The following TDRD1 variants were observed in gnomAD, a reference collection of about 807,000 sequenced individuals.
TDRD1 encodes the protein tudor domain containing 1.
TDRD1 carries 37 observed loss-of-function variants against 140.6 expected under a neutral mutation model. The observed-to-expected ratio is 0.26, with a 90% CI of 0.20 to 0.35. The LOEUF is 0.35. Among genes scored for constraint, TDRD1 ranks in the 10% least tolerant of loss-of-function variants. TDRD1 has a pLI of 1.00. For missense variants in TDRD1, 1,243 were observed against 1,393.0 expected, an observed-to-expected ratio of 0.89 and a Z score of 1.71; for synonymous variants, 506 against 475.7, an observed-to-expected ratio of 1.06 and a Z score of -0.83.
intron 12 of TDRD1, 33 bp from the exon 13 acceptor site, chr10:114,210,827 C>T (rs748877919): frequency 7.4e-6 from 12 of 1,611,822 alleles, no homozygotes; most frequent in East Asian, 2.2e-5. Context: ...TGTATAGATA[C>T]GTATTTCTTT....
chr10:114,203,872 C>T (rs2034927399), intron 8 of TDRD1, among the ~76,000 whole-genome samples: 1 of 152,168 alleles, frequency 6.6e-6, no homozygotes, highest in East Asian at 1.9e-4. Context: ...AATAGTTGTG[C>T]ATATTATTAA....
rs190509066 is a variant in TDRD1, at chr10:114,229,763, A to G, written c.3538+1638A>G. Among the ~76,000 whole-genome samples the G allele has an allele frequency of 4.4e-3, 667 of 151,160 alleles. 3 individuals carry two copies. The highest frequency in any genetic ancestry group is 8.5e-3 in the Admixed American group (129 of 15,200). ...AATTTCATAGATCAAGGAACATGCA[A>G]TGACATGGATTTCTGGAATTTAGTC... On this transcript the variant is annotated intron_variant, in intron 25 of 25. Coordinates refer to ENST00000251864, the Ensembl canonical transcript of TDRD1.
chr10:114,203,079 G>T, exon 7 of TDRD1: 2 of 1,611,516 alleles, frequency 1.2e-6, no homozygotes, highest in Non-Finnish European at 1.7e-6. Context: ...CAGAGTGACT[G>T]TCCACTTGGA....
intron 3 of TDRD1, among the ~76,000 whole-genome samples, chr10:114,192,955 A>G (rs978315279): frequency 1.3e-5 from 2 of 152,206 alleles, no homozygotes; most frequent in African/African-American, 4.8e-5. Flanking sequence ...TACAGTTTAG[A>G]ATAATCTCAT....
chr10:114,183,476 C>G (rs571192025), intron 1 of TDRD1, among the ~76,000 whole-genome samples: 35 of 152,034 alleles, frequency 2.3e-4, no homozygotes, highest in South Asian at 6.2e-4. Flanking sequence ...CCTCATCAAC[C>G]CACCTACCCC....
chr10:114,176,030 A>G (rs79557028), upstream of TDRD1, among the ~76,000 whole-genome samples: 676 of 152,286 alleles, frequency 4.4e-3, 5 homozygotes, highest in African/African-American at 0.015. The surrounding 1 kb of genome is among the most constrained non-coding windows in gnomAD (Gnocchi z 4.2). Flanking sequence ...GATGATCACC[A>G]TTTTGCAAAC....
At chr10:114,191,271 A>G (rs1246233473) in intron 3 of TDRD1, among the ~76,000 whole-genome samples, 1 of 152,196 alleles carries the variant, frequency 6.6e-6, no homozygotes, top group African/African-American at 2.4e-5. Context: ...CTATAGTACA[A>G]TATCACAACT....
intron 6 of TDRD1, 67 bp downstream of exon 6, chr10:114,202,365 A>G: frequency 1.8e-6 from 2 of 1,131,752 alleles, no homozygotes; most frequent in South Asian, 3.6e-5. Context: ...TAAGATAAAT[A>G]TTTTAGGCTT....
chr10:114,204,779 T>A, exon 10 of TDRD1: 1 of 1,604,832 alleles, frequency 6.2e-7, no homozygotes, highest in Non-Finnish European at 8.5e-7. Flanking sequence ...GAGCAGTGAT[T>A]GTATCAAAGC....
chr10:114,190,927 G>A, intron 2 of TDRD1, 34 bp from the exon 3 acceptor site: 1 of 1,598,620 alleles, frequency 6.3e-7, no homozygotes, highest in Non-Finnish European at 8.6e-7. Context: ...AGTATTATTT[G>A]GCTTTTATTT....
At chr10:114,225,992 A>T in intron 21 of TDRD1, 57 bp from the exon 22 acceptor site, 1 of 1,443,818 alleles carries the variant, frequency 6.9e-7, no homozygotes, top group Non-Finnish European at 9.7e-7. Flanking sequence ...TAGCCATCTT[A>T]AAGTAGGAGG....
intron 3 of TDRD1, among the ~76,000 whole-genome samples, chr10:114,195,702 A>AC (rs1261830775): frequency 6.6e-6 from 1 of 152,190 alleles, no homozygotes. Flanking sequence ...TTTCTTATAG[A>AC]CACCATATAT....
chr10:114,220,908 A>G (rs2036103198), intron 19 of TDRD1, 65 bp downstream of exon 19: 1 of 1,174,806 alleles, frequency 8.5e-7, no homozygotes, highest in South Asian at 1.5e-5. Flanking sequence ...ACTATGAAAA[A>G]TTTTCCATCA....
intron 11 of TDRD1, among the ~76,000 whole-genome samples, chr10:114,206,930 T>G (rs2035160244): frequency 6.7e-6 from 1 of 149,246 alleles, no homozygotes; most frequent in Non-Finnish European, 1.5e-5. Flanking sequence ...TAGGGCTTTT[T>G]AGCTCACATT....
intron 11 of TDRD1, among the ~76,000 whole-genome samples, chr10:114,207,368 G>A (rs1448925227): frequency 6.6e-6 from 1 of 152,016 alleles, no homozygotes; most frequent in Non-Finnish European, 1.5e-5. Flanking sequence ...TTCTTCCCAA[G>A]TATCCCTTGT....
rs149142353 is a variant in TDRD1, at chr10:114,203,234, G to A, written c.801+58G>A. On this transcript the variant is annotated intron_variant, in intron 7 of 25. Transcript: ENST00000251864. ...GATCCAGAGAACTGTATTTATTCTC[G>A]TTTCCTATTTTTGAGTTCATGCGGT... 2,298 of 1,511,088 alleles carry A rather than the reference G, an allele frequency of 1.5e-3. 18 individuals are homozygous for A. In the African/African-American group the frequency reaches 0.022, roughly 14 times the overall value. The allele number at this position is 1,511,088 out of a possible 1,614,324, so 93.6% of individuals were successfully genotyped here.
chr10:114,201,345 T>TC (rs1160527451), intron 4 of TDRD1, 65 bp from the exon 5 acceptor site: 35 of 1,315,070 alleles, frequency 2.7e-5, no homozygotes, highest in Non-Finnish European at 3.8e-5. Flanking sequence ...TGATATTTGC[T>TC]AAAGTGTGGA....
intron 1 of TDRD1, among the ~76,000 whole-genome samples, chr10:114,184,250 C>T (rs2033340724): frequency 6.6e-6 from 1 of 151,662 alleles, no homozygotes. Context: ...TCTCTGCATT[C>T]TGTTCATGCC....
At chr10:114,202,458 G>A (rs551040511) in intron 6 of TDRD1, among the ~76,000 whole-genome samples, 160 bp downstream of exon 6, 1 of 152,202 alleles carries the variant, frequency 6.6e-6, no homozygotes, top group East Asian at 1.9e-4. Context: ...AGGGGTTTTT[G>A]AGAATTACTT....
Sources: allele counts gnomAD v4.1 joint callset (sites outside exome capture counted in the v4.1 genomes callset), GRCh38; gene constraint gnomAD v4.1.1; non-coding constraint Gnocchi (gnomAD v3.1); transcripts MANE v1.5; gene names NCBI Gene and HGNC (gene_info 2026-07-23, HGNC 2026-07-21).